Variants in BID observed in about 807,000 individuals in gnomAD.
The protein encoded by BID is BH3-interacting domain death agonist.
In BID, 19 loss-of-function variants were observed where a neutral mutation model predicts 17.4. The observed-to-expected ratio is 1.09, with a 90% CI of 0.76 to 1.60. The LOEUF (loss-of-function observed/expected upper bound fraction) is 1.60. BID is among the 40% of genes most tolerant of loss of function. The pLI is 0.00. For missense variants in BID, 226 were observed against 256.0 expected (o/e 0.88, Z 0.80); for synonymous variants, 108 against 102.8 (o/e 1.05, Z -0.31).
intron 1 of BID, among the ~76,000 whole-genome samples, chr22:17,757,658 A>G (rs181416): frequency 0.27 from 41,177 of 149,968 alleles, 5,826 homozygotes; most frequent in African/African-American, 0.34. Context: ...GCAGTGAGCC[A>G]AGATAGCGCC....
rs1329166549 is a variant in BID, at chr22:17,735,286, C to G, written c.*294G>C. 2.4e-6 allele frequency: 1 copy of G among 415,788 alleles called. No individual in the cohort carries two copies. Among genetic ancestry groups the G allele is most frequent in the Non-Finnish European group, 4.3e-6 (1 of 231,868 alleles). 25.8% of individuals were successfully genotyped at this position (415,788 alleles called of 1,614,324 possible). On this transcript the variant is annotated 3_prime_UTR_variant, in exon 6 of 6. Transcript: ENST00000622694. ...TTTAATTTTTAAGTGGGAACCTGCA[C>G]AGTGGAAATAAAGGCACCGTGTGTA...
intron 2 of BID, among the ~76,000 whole-genome samples, chr22:17,748,511 A>T (rs866035046): frequency 2.5e-4 from 38 of 152,302 alleles, no homozygotes; most frequent in Admixed American, 5.9e-4. Flanking sequence ...ATCTCAAAAA[A>T]AAAAATAAAA....
intron 2 of BID, among the ~76,000 whole-genome samples, chr22:17,748,839 C>G (rs2061515629): frequency 6.6e-6 from 1 of 152,240 alleles, no homozygotes; most frequent in African/African-American, 2.4e-5. Context: ...GGAACAGCAG[C>G]GGCAGGTGGG....
rs1331958629 is a variant in BID at position 17,734,943 on chromosome 22, G to A, written c.*637C>T. ...TTTTGACTCCAACAAAGGAAACGAA[G>A]TTGAAAAAGTCAAGCCCCTGTGTAC... On this transcript the variant is annotated 3_prime_UTR_variant, in exon 6 of 6. Transcript: ENST00000622694. 6.6e-6 allele frequency: 1 copy of A among 152,232 alleles called. No individual in the cohort carries two copies. Among genetic ancestry groups the A allele is most frequent in the African/African-American group, 2.4e-5 (1 of 41,442 alleles). 9.4% of individuals were successfully genotyped at this position (152,232 alleles called of 1,614,324 possible).
At chr22:17,755,028 C>T (rs1047050442) in intron 1 of BID, among the ~76,000 whole-genome samples, 2 of 151,372 alleles carry the variant, frequency 1.3e-5, no homozygotes, top group African/African-American at 2.4e-5. Context: ...TCCCAAAATG[C>T]TGGGATTACA....
intron 2 of BID, among the ~76,000 whole-genome samples, chr22:17,745,778 C>T (rs911152899): frequency 6.6e-6 from 1 of 152,096 alleles, no homozygotes; most frequent in African/African-American, 2.4e-5. Flanking sequence ...CCAGCCTGGC[C>T]AACATGATGA....
chr22:17,754,220 C>T (rs984827778), intron 1 of BID, among the ~76,000 whole-genome samples: 38 of 151,994 alleles, frequency 2.5e-4, no homozygotes, highest in African/African-American at 9.2e-4. Flanking sequence ...GTCTCCAGGA[C>T]TCTGCCGGAT....
chr22:17,756,456 TTTC>T (rs1434667256), intron 1 of BID, among the ~76,000 whole-genome samples: 4,136 of 109,060 alleles, frequency 0.038, 204 homozygotes, highest in African/African-American at 0.13. Context: ...TCTTTCTTTC[TTTC>T]TTTCTTTCTT....
chr22:17,737,901 C>T (rs1415769243), intron 5 of BID, 116 bp downstream of exon 5: 16 of 1,104,786 alleles, frequency 1.4e-5, no homozygotes, highest in East Asian at 2.4e-5. Flanking sequence ...CCGAGCAGGA[C>T]AGCCTGTAAC....
chr22:17,756,571 T>TC (rs2061592807), intron 1 of BID, among the ~76,000 whole-genome samples: 1 of 151,276 alleles, frequency 6.6e-6, no homozygotes, highest in Non-Finnish European at 1.5e-5. Context: ...TCCTTTCCTT[T>TC]CTTTCTTTTT....
intron 1 of BID, among the ~76,000 whole-genome samples, chr22:17,771,842 C>T (rs929125214): frequency 6.6e-5 from 10 of 152,244 alleles, no homozygotes; most frequent in South Asian, 2.1e-4. Flanking sequence ...ACCCCTGCCC[C>T]GGAAGCTTCC....
At chr22:17,750,980 G>C (rs141480741) in intron 1 of BID, among the ~76,000 whole-genome samples, 4,474 of 149,876 alleles carry the variant, frequency 0.03, 134 homozygotes, top group East Asian at 0.1. Context: ...AGGCTGCAGT[G>C]AGCGGAGATT....
At chr22:17,744,906 A>C (rs1364222005) in intron 2 of BID, among the ~76,000 whole-genome samples, 1 of 152,218 alleles carries the variant, frequency 6.6e-6, no homozygotes, top group East Asian at 1.9e-4. Context: ...TCACACAAAA[A>C]GACCTCCTGG....
chr22:17,765,350 GA>G (rs2061670686), intron 1 of BID, among the ~76,000 whole-genome samples: 1 of 152,102 alleles, frequency 6.6e-6, no homozygotes, highest in Admixed American at 6.5e-5. Flanking sequence ...TGCAGGCCAA[GA>G]TACGGCCTCT....
chr22:17,750,701 G>A (rs1035246799), intron 1 of BID, among the ~76,000 whole-genome samples: 3 of 151,964 alleles, frequency 2.0e-5, no homozygotes, highest in African/African-American at 4.8e-5. Flanking sequence ...GGTGGCGGGC[G>A]CCTGTAGTCC....
intron 3 of BID, among the ~76,000 whole-genome samples, chr22:17,742,460 C>T (rs1386855480): frequency 6.7e-6 from 1 of 150,368 alleles, no homozygotes. Flanking sequence ...CAGAGACATT[C>T]TCAGACACCT....
chr22:17,774,276 C>G (rs1490126276), intron 1 of BID, 105 bp downstream of exon 1: 1 of 151,362 alleles, frequency 6.6e-6, no homozygotes, highest in Admixed American at 6.6e-5. Context: ...GCGGTCGGGC[C>G]CAGGGCGGGC....
At chr22:17,765,157 G>C (rs1307349871) in intron 1 of BID, among the ~76,000 whole-genome samples, 2 of 124,582 alleles carry the variant, frequency 1.6e-5, no homozygotes, top group Non-Finnish European at 3.8e-5. Flanking sequence ...CCTCCACAGA[G>C]GACCCAAGAC....
chr22:17,756,853 C>T (rs189335680), intron 1 of BID, among the ~76,000 whole-genome samples: 3 of 152,052 alleles, frequency 2.0e-5, no homozygotes, highest in Non-Finnish European at 2.9e-5. Flanking sequence ...GGATTACAGG[C>T]GTGAGCCACT....
Sources: allele counts gnomAD v4.1 joint callset (sites outside exome capture counted in the v4.1 genomes callset), GRCh38; gene constraint gnomAD v4.1.1; transcripts MANE v1.5; gene names NCBI Gene and HGNC (gene_info 2026-07-23, HGNC 2026-07-21).